EXOC4: variants seen among roughly 807,000 people sequenced by gnomAD.
EXOC4 encodes exocyst complex component 4.
In EXOC4, 71 loss-of-function variants were observed where a neutral mutation model predicts 107.2. The observed-to-expected ratio is 0.66, with a 90% CI of 0.55 to 0.81. The LOEUF (loss-of-function observed/expected upper bound fraction) is 0.81. Ranked by LOEUF, EXOC4 falls within the 30% of genes least tolerant of loss-of-function variation. The probability of loss-of-function intolerance (pLI) is 0.00; values close to 1 mark genes in which losing one functional copy is unlikely to be tolerated. For missense variants in EXOC4, 1,108 were observed against 1,189.6 expected (o/e 0.93, Z 1.01); for synonymous variants, 456 against 441.2 (o/e 1.03, Z -0.42).
chr7:133,512,734 T>A (rs145977856), intron 9 of EXOC4, among the ~76,000 whole-genome samples: 45 of 152,268 alleles, frequency 3.0e-4, no homozygotes, highest in South Asian at 1.5e-3. Context: ...TTAAGCGTGG[T>A]ATTAGTCATC....
At chr7:133,612,349 A>G (rs762866245) in intron 9 of EXOC4, among the ~76,000 whole-genome samples, 7 of 152,170 alleles carry the variant, frequency 4.6e-5, no homozygotes, top group Non-Finnish European at 1.0e-4. Flanking sequence ...TAATATTTAA[A>G]TGATCTTATT....
intron 10 of EXOC4, among the ~76,000 whole-genome samples, chr7:133,708,286 G>A (rs1794812024): frequency 6.6e-6 from 1 of 152,166 alleles, no homozygotes; most frequent in South Asian, 2.1e-4. Context: ...ATCTCTTGTT[G>A]AGTTTGTGAT....
chr7:134,095,253 G>T, the EXOC4 span, among the ~76,000 whole-genome samples: 2 of 151,746 alleles, frequency 1.3e-5, no homozygotes, highest in African/African-American at 4.8e-5. Context: ...CTAGGAATAC[G>T]TATAACCAAG....
the EXOC4 span, among the ~76,000 whole-genome samples, chr7:134,095,584 C>T: frequency 7.0e-4 from 106 of 152,096 alleles, 1 homozygote; most frequent in African/African-American, 2.4e-3. Context: ...TATAAGGCTG[C>T]GGTCACAAAA....
At chr7:133,305,648 A>C (rs983948247) in intron 3 of EXOC4, among the ~76,000 whole-genome samples, 2 of 152,130 alleles carry the variant, frequency 1.3e-5, no homozygotes, top group African/African-American at 4.8e-5. Flanking sequence ...ATAGTTTGCT[A>C]TGGTGGTGTG....
intron 17 of EXOC4, among the ~76,000 whole-genome samples, chr7:134,025,999 C>A (rs925522366): frequency 6.6e-6 from 1 of 152,174 alleles, no homozygotes; most frequent in African/African-American, 2.4e-5. Context: ...GTGCACCCAA[C>A]GCAGTGCCTC....
intron 7 of EXOC4, among the ~76,000 whole-genome samples, chr7:133,394,193 T>C (rs1796920551): frequency 6.6e-6 from 1 of 152,222 alleles, no homozygotes. Context: ...GGTGTGACAA[T>C]AATAGATTTG....
chr7:134,047,387 G>C (rs1795681515), intron 17 of EXOC4, among the ~76,000 whole-genome samples: 1 of 151,760 alleles, frequency 6.6e-6, no homozygotes, highest in South Asian at 2.1e-4. Context: ...TAGTCTTTTT[G>C]TATGGAAAGG....
At chr7:133,515,400 C>T (rs1799853963) in intron 9 of EXOC4, among the ~76,000 whole-genome samples, 2 of 151,692 alleles carry the variant, frequency 1.3e-5, no homozygotes, top group African/African-American at 4.8e-5. Context: ...CACATATATA[C>T]ATATATATAC....
chr7:133,619,670 G>A (rs990461337), intron 9 of EXOC4, among the ~76,000 whole-genome samples: 3 of 152,186 alleles, frequency 2.0e-5, no homozygotes, highest in African/African-American at 7.2e-5. Context: ...GAATTACAGA[G>A]CAAACAGTAA....
At chr7:133,855,635 A>C (rs1326900286) in intron 11 of EXOC4, among the ~76,000 whole-genome samples, 1 of 149,212 alleles carries the variant, frequency 6.7e-6, no homozygotes, top group Non-Finnish European at 1.5e-5. Context: ...ATTTTGAAAA[A>C]CATAGTGTGT....
intron 10 of EXOC4, among the ~76,000 whole-genome samples, chr7:133,677,045 T>A (rs1365916572): frequency 6.6e-6 from 1 of 151,772 alleles, no homozygotes; most frequent in Non-Finnish European, 1.5e-5. Context: ...CAGTCATTCT[T>A]ATTTATGCTG....
At chr7:133,537,576 A>G (rs1489751351) in intron 9 of EXOC4, among the ~76,000 whole-genome samples, 1 of 152,144 alleles carries the variant, frequency 6.6e-6, no homozygotes, top group Non-Finnish European at 1.5e-5. Context: ...TTGCCGAGAG[A>G]AAAGTGTTTC....
intron 11 of EXOC4, among the ~76,000 whole-genome samples, chr7:133,846,417 T>TCTCTAAG (rs1798127962): frequency 6.6e-6 from 1 of 152,160 alleles, no homozygotes; most frequent in South Asian, 2.1e-4. Flanking sequence ...GTGGCTTGCA[T>TCTCTAAG]CCCACGGTTG....
intron 10 of EXOC4, among the ~76,000 whole-genome samples, chr7:133,787,649 G>C (rs1796602745): frequency 6.6e-6 from 1 of 151,718 alleles, no homozygotes; most frequent in Non-Finnish European, 1.5e-5. Context: ...GTGGCTTACA[G>C]ACGGCCTCCT....
intron 10 of EXOC4, among the ~76,000 whole-genome samples, chr7:133,697,171 A>G (rs981854338): frequency 3.9e-5 from 6 of 152,198 alleles, no homozygotes; most frequent in Non-Finnish European, 8.8e-5. Context: ...GTGTTCTGTC[A>G]TGCTTCAAGA....
intron 10 of EXOC4, among the ~76,000 whole-genome samples, chr7:133,800,836 C>T (rs1178464196): frequency 6.6e-6 from 1 of 152,152 alleles, no homozygotes; most frequent in Non-Finnish European, 1.5e-5. Flanking sequence ...CATAAATTCT[C>T]AAATCTGAGC....
At chr7:133,378,648 A>G (rs1486009526) in intron 7 of EXOC4, among the ~76,000 whole-genome samples, 1 of 152,128 alleles carries the variant, frequency 6.6e-6, no homozygotes, top group Non-Finnish European at 1.5e-5. Context: ...GTAGCCTATG[A>G]TAAGTTAAGG....
At chr7:133,837,666 A>G (rs1797944923) in intron 11 of EXOC4, among the ~76,000 whole-genome samples, 1 of 152,168 alleles carries the variant, frequency 6.6e-6, no homozygotes, top group African/African-American at 2.4e-5. Flanking sequence ...ATTGCCTGAC[A>G]TCTTCTTAGC....
Sources: allele counts gnomAD v4.1 joint callset (sites outside exome capture counted in the v4.1 genomes callset), GRCh38; gene constraint gnomAD v4.1.1; transcripts MANE v1.5; gene names NCBI Gene and HGNC (gene_info 2026-07-23, HGNC 2026-07-21).